The following TMEM178B variants were observed in gnomAD, a reference collection of about 807,000 sequenced individuals.
TMEM178B encodes the protein transmembrane protein 178B.
A neutral mutation model predicts 31.0 loss-of-function variants in TMEM178B; 5 were observed. That is an observed-to-expected ratio of 0.16 (90% CI 0.08 to 0.34). The LOEUF is 0.34. Ranked by LOEUF, TMEM178B falls within the 10% of genes least tolerant of loss-of-function variation. The pLI, the probability that TMEM178B is intolerant of heterozygous loss-of-function variation, is 1.00. For synonymous variants in TMEM178B, 164 were observed against 164.0 expected, an observed-to-expected ratio of 1.00 and a Z score of 0.00; for missense variants, 275 against 400.3, an observed-to-expected ratio of 0.69 and a Z score of 2.67.
At chr7:141,446,213 C>A (rs1179647625) in intron 3 of TMEM178B, among the ~76,000 whole-genome samples, 1 of 152,166 alleles carries the variant, frequency 6.6e-6, no homozygotes, top group Non-Finnish European at 1.5e-5. Flanking sequence ...GGGGCAGACC[C>A]AAAGGAGTTT....
chr7:141,266,355 A>ATGT (rs1798094233), intron 2 of TMEM178B, among the ~76,000 whole-genome samples: 1 of 152,146 alleles, frequency 6.6e-6, no homozygotes, highest in African/African-American at 2.4e-5. Flanking sequence ...TGACCCTGGA[A>ATGT]TGTTGAGTAG....
At chr7:141,213,531 A>G (rs1277336061) in intron 2 of TMEM178B, among the ~76,000 whole-genome samples, 8 of 152,134 alleles carry the variant, frequency 5.3e-5, no homozygotes, top group African/African-American at 1.9e-4. Flanking sequence ...TTTTCACCAG[A>G]TTCTGAAAGG....
chr7:141,095,115 G>A (rs1794936571), intron 1 of TMEM178B, among the ~76,000 whole-genome samples: 1 of 152,174 alleles, frequency 6.6e-6, no homozygotes, highest in Non-Finnish European at 1.5e-5. Flanking sequence ...GGTTTTTTGA[G>A]AAGGTATGGA....
At chr7:141,409,498 G>T (rs1800942703) in intron 2 of TMEM178B, among the ~76,000 whole-genome samples, 1 of 152,106 alleles carries the variant, frequency 6.6e-6, no homozygotes, top group Admixed American at 6.5e-5. Flanking sequence ...GGATTACGTG[G>T]GATAGTATAA....
At chr7:141,132,634 TG>T (rs1795612235) in intron 1 of TMEM178B, among the ~76,000 whole-genome samples, 1 of 152,124 alleles carries the variant, frequency 6.6e-6, no homozygotes, top group South Asian at 2.1e-4. Context: ...ATGTGCCACT[TG>T]GGGGCTTGAG....
chr7:141,491,764 A>G, the TMEM178B span, among the ~76,000 whole-genome samples: 7 of 152,302 alleles, frequency 4.6e-5, no homozygotes, highest in South Asian at 6.2e-4. Flanking sequence ...GTTTTATTGT[A>G]TATCGGTTTT....
chr7:141,115,132 T>C (rs1795297747), intron 1 of TMEM178B, among the ~76,000 whole-genome samples: 1 of 152,128 alleles, frequency 6.6e-6, no homozygotes, highest in South Asian at 2.1e-4. Context: ...AACCTCCGCC[T>C]CCTGGGTTCA....
At chr7:141,200,865 G>C (rs754695647) in intron 1 of TMEM178B, among the ~76,000 whole-genome samples, 2 of 152,178 alleles carry the variant, frequency 1.3e-5, no homozygotes, top group African/African-American at 2.4e-5. Context: ...AAGGCTTTGT[G>C]TGTGTGTTTG....
chr7:141,469,617 C>T (rs1398161498), intron 3 of TMEM178B, among the ~76,000 whole-genome samples: 1 of 152,196 alleles, frequency 6.6e-6, no homozygotes, highest in East Asian at 1.9e-4. Context: ...CTGCTCATTG[C>T]TCTCATATCA....
chr7:141,410,905 G>A (rs952281520), intron 2 of TMEM178B, among the ~76,000 whole-genome samples: 3 of 152,158 alleles, frequency 2.0e-5, no homozygotes, highest in Admixed American at 6.5e-5. Context: ...TCCGATGCAT[G>A]CTACAACATA....
intron 2 of TMEM178B, among the ~76,000 whole-genome samples, chr7:141,267,575 T>C (rs550551130): frequency 8.5e-5 from 13 of 152,280 alleles, no homozygotes; most frequent in African/African-American, 3.1e-4. Flanking sequence ...CATCCCCAGT[T>C]ATGGACTGAC....
At chr7:141,130,133 A>G (rs141377743) in intron 1 of TMEM178B, among the ~76,000 whole-genome samples, 1 of 152,350 alleles carries the variant, frequency 6.6e-6, no homozygotes, top group Admixed American at 6.5e-5. Context: ...ATTTAGCTAT[A>G]TTAATAGAGA....
intron 1 of TMEM178B, among the ~76,000 whole-genome samples, chr7:141,189,867 T>C (rs1442882950): frequency 1.3e-5 from 2 of 152,128 alleles, no homozygotes; most frequent in African/African-American, 4.8e-5. Flanking sequence ...CTGGGCCCTG[T>C]GTAGCTGTGC....
intron 3 of TMEM178B, among the ~76,000 whole-genome samples, chr7:141,444,109 G>C (rs769712577): frequency 6.6e-6 from 1 of 152,150 alleles, no homozygotes; most frequent in Non-Finnish European, 1.5e-5. Flanking sequence ...GTTTCTTCAA[G>C]GAGCTCTGTT....
rs142041734 is a variant in TMEM178B at position 141,456,450 on chromosome 7, C to T, written c.635-14086C>T. Reference sequence around the variant, plus strand: ...CTACCAGGAAGCTGGTACAGGCTGTCCTGATGTACCCCCTGGTCAAGAGAA... The same window carrying T: ...CTACCAGGAAGCTGGTACAGGCTGTTCTGATGTACCCCCTGGTCAAGAGAA... On this transcript the variant is annotated intron_variant, in intron 3 of 3. Transcript: ENST00000565468. 7.0e-4 allele frequency among the ~76,000 whole-genome samples: 107 copies of T among 152,286 alleles called. 1 individual carries two copies. The East Asian group carries it at 0.017, about 24-fold the overall frequency.
chr7:141,107,746 C>T lies in TMEM178B; in HGVS notation c.382+33054C>T, dbSNP rs1009825412. On this transcript the variant is annotated intron_variant, in intron 1 of 3. Coordinates refer to ENST00000565468, the MANE Select transcript of TMEM178B (RefSeq NM_001195278.2). ...TGTGTCTAGAGTTTAGCAGAACAAT[C>T]TGAACTGGAGATACAAATTTGAGAG... Among the ~76,000 whole-genome samples the T allele has an allele frequency of 2.6e-5, 4 of 152,130 alleles. No individual in the cohort carries two copies. In the East Asian group the frequency reaches 7.7e-4, roughly 29 times the overall value.
At chr7:141,416,980 G>A (rs9969247) in intron 2 of TMEM178B, among the ~76,000 whole-genome samples, 38,025 of 152,188 alleles carry the variant, frequency 0.25, 5,676 homozygotes, top group Non-Finnish European at 0.33. Context: ...AATGGAAAGC[G>A]TTGGAAAACA....
At chr7:141,280,455 T>C (rs1798338111) in intron 2 of TMEM178B, among the ~76,000 whole-genome samples, 2 of 152,182 alleles carry the variant, frequency 1.3e-5, no homozygotes, top group Non-Finnish European at 2.9e-5. Flanking sequence ...GATTTGATCA[T>C]TCTATAAGGG....
At chr7:141,152,666 C>T (rs945822133) in intron 1 of TMEM178B, among the ~76,000 whole-genome samples, 6 of 152,180 alleles carry the variant, frequency 3.9e-5, no homozygotes, top group Non-Finnish European at 5.9e-5. Flanking sequence ...TGGGCTCTCT[C>T]GTCCAGTGGT....
Sources: gnomAD v4.1 joint callset for allele counts (sites outside exome capture counted in the v4.1 genomes callset) on GRCh38, gnomAD v4.1.1 for gene constraint, MANE v1.5 for transcripts, NCBI Gene and HGNC (gene_info 2026-07-23, HGNC 2026-07-21) for gene names.